AHI1: variants seen among roughly 807,000 people sequenced by gnomAD.
AHI1 encodes Abelson helper integration site 1.
AHI1 carries 123 observed loss-of-function variants against 149.3 expected under a neutral mutation model. The observed-to-expected ratio is 0.82, with a 90% CI of 0.71 to 0.96. The LOEUF (loss-of-function observed/expected upper bound fraction) is 0.96. Ranked by LOEUF, AHI1 falls within the 40% of genes least tolerant of loss-of-function variation. The pLI is 0.00. For missense variants in AHI1, 1,439 were observed against 1,422.7 expected, an observed-to-expected ratio of 1.01 and a Z score of -0.18; for synonymous variants, 475 against 459.8, an observed-to-expected ratio of 1.03 and a Z score of -0.42.
chr6:135,396,432 A>G (rs1293636842), intron 22 of AHI1, among the ~76,000 whole-genome samples: 1 of 151,878 alleles, frequency 6.6e-6, no homozygotes, highest in Non-Finnish European at 1.5e-5. Context: ...ATAAAGTGCT[A>G]TTCATATGTT....
chr6:135,397,874 T>C (rs887471393), intron 22 of AHI1, among the ~76,000 whole-genome samples: 22 of 152,138 alleles, frequency 1.4e-4, no homozygotes, highest in African/African-American at 5.1e-4. Context: ...ATATCTCAAG[T>C]TGGTTTTAAA....
intron 8 of AHI1, among the ~76,000 whole-genome samples, chr6:135,462,801 C>A (rs1348948623): frequency 6.6e-6 from 1 of 151,662 alleles, no homozygotes; most frequent in Non-Finnish European, 1.5e-5. Context: ...CTCAGGAGGC[C>A]GAGGCAGGAG....
chr6:135,485,826 C>T (rs1301561969), intron 5 of AHI1, among the ~76,000 whole-genome samples: 2 of 152,178 alleles, frequency 1.3e-5, no homozygotes, highest in Admixed American at 6.5e-5. Flanking sequence ...TTTGTCCACA[C>T]TGTACACTAC....
At position 135,385,986 on chromosome 6, in the gene AHI1, C is replaced by A. The variant is rs116300586; in HGVS notation, c.3109+8790G>T. On this transcript the variant is annotated intron_variant, in intron 23 of 28. Coordinates refer to ENST00000265602, the MANE Select transcript of AHI1 (RefSeq NM_001134831.2). ...TATAGCATTTACCAATGGGAGAACA[C>A]TGATCACACTGTAGTGAGTAACTGT... Among the ~76,000 whole-genome samples, 1,131 of 152,284 alleles carry A rather than the reference C, an allele frequency of 7.4e-3. 18 individuals are homozygous for A. Among genetic ancestry groups the A allele is most frequent in the African/African-American group, 0.026 (1,074 of 41,554 alleles).
intron 23 of AHI1, among the ~76,000 whole-genome samples, chr6:135,362,549 G>A (rs528744220): frequency 2.0e-5 from 3 of 152,202 alleles, no homozygotes; most frequent in Non-Finnish European, 2.9e-5. Context: ...TTTGATTATG[G>A]CCATTATTGC....
At position 135,290,538 on chromosome 6, in the gene AHI1, A is replaced by C; in HGVS notation, c.3486-13T>G. 1 of 1,613,580 alleles carries C rather than the reference A, an allele frequency of 6.2e-7. No individual in the cohort carries two copies. The highest frequency in any genetic ancestry group is 8.5e-7 in the Non-Finnish European group (1 of 1,179,734). On this transcript the variant is annotated splice_polypyrimidine_tract_variant and intron_variant, in intron 27 of 28. Coordinates refer to ENST00000265602, the MANE Select transcript of AHI1 (RefSeq NM_001134831.2). ...TCTCATTTCAGAACTATAGGAGGGA[A>C]AGATCAGAAACAAGGAGCCAGTAAA... is the stretch of plus-strand genomic sequence containing the variant.
chr6:135,392,596 A>G (rs1369652387), intron 23 of AHI1, among the ~76,000 whole-genome samples: 1 of 152,162 alleles, frequency 6.6e-6, no homozygotes, highest in African/African-American at 2.4e-5. Flanking sequence ...TGAGATTTTT[A>G]TTTTTAAACA....
At position 135,340,544 on chromosome 6, in the gene AHI1, C is replaced by T. The variant is rs187776121; in HGVS notation, c.3166-17220G>A. Among the ~76,000 whole-genome samples, 21 of 150,556 alleles carry T rather than the reference C, an allele frequency of 1.4e-4. No homozygotes were observed. The East Asian group carries it at 3.1e-3, about 22-fold the overall frequency. ...CCCTTCAAGAAAAACAGAAGTCCTT[C>T]GGACTGAAATGAAAGAGCACTGACA... On this transcript the variant is annotated intron_variant, in intron 24 of 28. Transcript: ENST00000265602.
At chr6:135,400,624 T>C (rs953763898) in intron 22 of AHI1, among the ~76,000 whole-genome samples, 1 of 152,208 alleles carries the variant, frequency 6.6e-6, no homozygotes, top group African/African-American at 2.4e-5. Context: ...TATAATCTAA[T>C]GTCAAAAAGA....
At chr6:135,287,153 A>G (rs1210475176) in intron 28 of AHI1, among the ~76,000 whole-genome samples, 2 of 152,092 alleles carry the variant, frequency 1.3e-5, no homozygotes, top group African/African-American at 4.8e-5. Context: ...AGGGGAGAAG[A>G]ACAGCTGGAA....
intron 23 of AHI1, among the ~76,000 whole-genome samples, chr6:135,368,553 C>T (rs918751567): frequency 6.6e-6 from 1 of 152,110 alleles, no homozygotes; most frequent in Non-Finnish European, 1.5e-5. Flanking sequence ...CTCAGACTCT[C>T]TTTGGGCGGG....
At chr6:135,347,235 C>A (rs1250424885) in intron 24 of AHI1, among the ~76,000 whole-genome samples, 3 of 152,158 alleles carry the variant, frequency 2.0e-5, no homozygotes, top group South Asian at 2.1e-4. Context: ...ACATTCCCTG[C>A]CTAATCCCAT....
chr6:135,409,269 A>G (rs1233974688), intron 21 of AHI1, among the ~76,000 whole-genome samples: 1 of 152,144 alleles, frequency 6.6e-6, no homozygotes, highest in African/African-American at 2.4e-5. Context: ...AAATATACAC[A>G]TCCTTATATT....
chr6:135,374,760 T>C (rs528313316), intron 23 of AHI1, among the ~76,000 whole-genome samples: 113 of 152,204 alleles, frequency 7.4e-4, no homozygotes, highest in Non-Finnish European at 1.5e-3. Context: ...AAAATACTTC[T>C]GAAAAACACA....
At chr6:135,433,795 C>T (rs1358926674) in intron 15 of AHI1, among the ~76,000 whole-genome samples, 9 of 151,864 alleles carry the variant, frequency 5.9e-5, no homozygotes, top group Non-Finnish European at 8.8e-5. Flanking sequence ...ATTTTGAATT[C>T]TCAAGTAAAA....
At chr6:135,390,009 G>T (rs1479252127) in intron 23 of AHI1, among the ~76,000 whole-genome samples, 1 of 80,598 alleles carries the variant, frequency 1.2e-5, no homozygotes, top group Admixed American at 1.2e-4. Flanking sequence ...GAGTTTTTTT[G>T]TGTTTTTTTT....
intron 5 of AHI1, among the ~76,000 whole-genome samples, chr6:135,477,305 G>C (rs1207747082): frequency 6.6e-6 from 1 of 152,176 alleles, no homozygotes; most frequent in Non-Finnish European, 1.5e-5. Flanking sequence ...CTCCCAAAAT[G>C]CTGGGATTAC....
intron 20 of AHI1, among the ~76,000 whole-genome samples, chr6:135,422,593 T>G (rs1201252265): frequency 6.6e-6 from 1 of 151,680 alleles, no homozygotes; most frequent in East Asian, 1.9e-4. Flanking sequence ...TACATCATAA[T>G]TATGTTACTC....
At chr6:135,302,277 G>A in intron 26 of AHI1, 1 of 985,408 alleles carries the variant, frequency 1.0e-6, no homozygotes, top group South Asian at 4.7e-5. Context: ...AACATTAAGG[G>A]CTCTAATCAG....
Sources: allele counts gnomAD v4.1 joint callset (sites outside exome capture counted in the v4.1 genomes callset), GRCh38; gene constraint gnomAD v4.1.1; transcripts MANE v1.5; gene names NCBI Gene and HGNC (gene_info 2026-07-23, HGNC 2026-07-21).